SLC8A1: variants seen among roughly 807,000 people sequenced by gnomAD.
SLC8A1 encodes sodium/calcium exchanger 1.
A neutral mutation model predicts 68.3 loss-of-function variants in SLC8A1; 18 were observed. The ratio of observed to expected loss-of-function variants is 0.26; its 90% CI spans 0.18 to 0.39. The LOEUF (loss-of-function observed/expected upper bound fraction) is 0.39, where lower values mean the gene tolerates loss of function less well. Ranked by LOEUF, SLC8A1 falls within the 10% of genes least tolerant of loss-of-function variation. The probability of loss-of-function intolerance (pLI) is 1.00; values close to 1 mark genes in which losing one functional copy is unlikely to be tolerated. For synonymous variants in SLC8A1, 475 were observed against 415.5 expected, an observed-to-expected ratio of 1.14 and a Z score of -1.74; for missense variants, 985 against 1,156.7, an observed-to-expected ratio of 0.85 and a Z score of 2.15.
intron 2 of SLC8A1, among the ~76,000 whole-genome samples, chr2:40,362,800 C>T (rs1208440427): frequency 6.6e-6 from 1 of 152,058 alleles, no homozygotes; most frequent in Non-Finnish European, 1.5e-5. Flanking sequence ...GTAAAAACTA[C>T]ATCTTTTTGT....
chr2:40,455,779 C>A (rs1376047966), upstream of SLC8A1, among the ~76,000 whole-genome samples: 1 of 152,202 alleles, frequency 6.6e-6, no homozygotes, highest in African/African-American at 2.4e-5. Flanking sequence ...TGCAGTTAAA[C>A]TTTTACTTCT....
intron 1 of SLC8A1, among the ~76,000 whole-genome samples, chr2:40,510,706 T>C (rs572239925): frequency 1.3e-5 from 2 of 152,272 alleles, no homozygotes; most frequent in East Asian, 3.9e-4. Flanking sequence ...TCTCTCTCTC[T>C]TTCTAACTCT....
At chr2:40,103,234 C>G (rs1025243476) in exon 8 of SLC8A1, 1 of 152,144 alleles carries the variant, frequency 6.6e-6, no homozygotes, top group African/African-American at 2.4e-5. Flanking sequence ...ACTATGGTTG[C>G]TTTTTCTTTC....
At chr2:40,330,671 T>C (rs148050815) in intron 2 of SLC8A1, among the ~76,000 whole-genome samples, 16 of 152,330 alleles carry the variant, frequency 1.1e-4, no homozygotes, top group African/African-American at 3.1e-4. Flanking sequence ...TTGCTTATAG[T>C]TGCAAAGGTA....
At chr2:40,238,477 C>A (rs544702074) in intron 2 of SLC8A1, among the ~76,000 whole-genome samples, 2 of 152,042 alleles carry the variant, frequency 1.3e-5, no homozygotes, top group South Asian at 2.1e-4. Flanking sequence ...ACACGGTGCG[C>A]GCACCCACTG....
chr2:40,217,135 G>A (rs1036238927), intron 2 of SLC8A1, among the ~76,000 whole-genome samples: 2 of 152,188 alleles, frequency 1.3e-5, no homozygotes, highest in African/African-American at 4.8e-5. Flanking sequence ...TTACATTAAA[G>A]TCTTGAATCC....
At chr2:40,100,095 G>A (rs2033806935) in exon 8 of SLC8A1, 1 of 152,048 alleles carries the variant, frequency 6.6e-6, no homozygotes, top group Admixed American at 6.6e-5. Flanking sequence ...GTGTTGAATT[G>A]TACCACTGAC....
At chr2:40,280,974 G>T (rs1368499182) in intron 2 of SLC8A1, among the ~76,000 whole-genome samples, 1 of 152,166 alleles carries the variant, frequency 6.6e-6, no homozygotes, top group Non-Finnish European at 1.5e-5. Context: ...AATTTTTATT[G>T]CTTATCTTTC....
intron 2 of SLC8A1, among the ~76,000 whole-genome samples, chr2:40,353,559 A>C (rs1671768674): frequency 6.6e-6 from 1 of 152,198 alleles, no homozygotes; most frequent in African/African-American, 2.4e-5. Context: ...AAGTGGAAAA[A>C]AAAAATGATC....
At chr2:40,248,820 G>T (rs1307302488) in intron 2 of SLC8A1, among the ~76,000 whole-genome samples, 1 of 152,126 alleles carries the variant, frequency 6.6e-6, no homozygotes, top group African/African-American at 2.4e-5. Context: ...ATCTAATTCT[G>T]ATCTTTAGGG....
chr2:40,373,007 C>T (rs1418440583), intron 2 of SLC8A1, among the ~76,000 whole-genome samples: 1 of 150,664 alleles, frequency 6.6e-6, no homozygotes, highest in Admixed American at 6.7e-5. Context: ...CAATCCCCGT[C>T]AAAATGTACC....
At chr2:40,482,789 CTTTT>C (rs34808025) in intron 1 of SLC8A1, among the ~76,000 whole-genome samples, 1 of 131,862 alleles carries the variant, frequency 7.6e-6, no homozygotes. Flanking sequence ...ACAGTTAGCA[CTTTT>C]TTTTTTTTTT....
chr2:40,256,370 T>C (rs745347182), intron 2 of SLC8A1, among the ~76,000 whole-genome samples: 1 of 152,174 alleles, frequency 6.6e-6, no homozygotes, highest in Non-Finnish European at 1.5e-5. Flanking sequence ...AAGATATACT[T>C]TCATGAATTC....
chr2:40,478,779 T>G (rs1039267646), intron 1 of SLC8A1, among the ~76,000 whole-genome samples: 1 of 151,964 alleles, frequency 6.6e-6, no homozygotes, highest in Non-Finnish European at 1.5e-5. Context: ...TGTTTGTTTT[T>G]TTTTTTTTTT....
chr2:40,497,702 G>C (rs1416817651), intron 1 of SLC8A1, among the ~76,000 whole-genome samples: 1 of 151,996 alleles, frequency 6.6e-6, no homozygotes, highest in Non-Finnish European at 1.5e-5. Flanking sequence ...GTGCTTATGG[G>C]GAGACAGTGA....
At chr2:40,215,246 A>G in intron 2 of SLC8A1, among the ~76,000 whole-genome samples, 1 of 152,046 alleles carries the variant, frequency 6.6e-6, no homozygotes, top group African/African-American at 2.4e-5. Context: ...GCTCACTGCA[A>G]CCTTGAACTC....
intron 2 of SLC8A1, among the ~76,000 whole-genome samples, chr2:40,344,602 G>T (rs543592834): frequency 6.6e-6 from 1 of 152,130 alleles, no homozygotes; most frequent in Non-Finnish European, 1.5e-5. Flanking sequence ...TACTCAAAAA[G>T]CATCTGTTGA....
Position 40,361,887 on chromosome 2 carries a change from C to CTTTT in SLC8A1, c.1808+66582_1808+66585dup, listed in dbSNP as rs1172909749. On this transcript the variant is annotated intron_variant, in intron 2 of 7. Coordinates refer to ENST00000406785, the Ensembl canonical transcript of SLC8A1. ...GTCAGATGTTTATATCTTTTCTTTC[C>CTTTT]TTTTTTTTTTTTTTTTTTTTTTTTT... is the stretch of plus-strand genomic sequence containing the variant. Among the ~76,000 whole-genome samples, 392 of 53,164 alleles carry CTTTT rather than the reference C, an allele frequency of 7.4e-3. 58 individuals carry two copies. Among genetic ancestry groups the CTTTT allele is most frequent in the East Asian group, 0.02 (40 of 1,992 alleles). The allele number at this position is 53,164 out of a possible 152,430, so 34.9% of individuals were successfully genotyped here.
chr2:40,424,346 G>C (rs1335909541), intron 2 of SLC8A1, among the ~76,000 whole-genome samples: 2 of 151,546 alleles, frequency 1.3e-5, no homozygotes, highest in Non-Finnish European at 3.0e-5. Context: ...AGTCTATAGA[G>C]AATTCTATAG....
Sources: gnomAD v4.1 joint callset for allele counts (sites outside exome capture counted in the v4.1 genomes callset) on GRCh38, gnomAD v4.1.1 for gene constraint, MANE v1.5 for transcripts, NCBI Gene and HGNC (gene_info 2026-07-23, HGNC 2026-07-21) for gene names.